The following ASB7 variants were observed in gnomAD, a reference collection of about 807,000 sequenced individuals.
ASB7 encodes ankyrin repeat and SOCS box containing 7.
Under a neutral mutation model 32.5 loss-of-function variants are expected in ASB7, and 4 were observed. The ratio of observed to expected loss-of-function variants is 0.12; its 90% CI spans 0.06 to 0.28. ASB7 has a LOEUF of 0.28. Ranked by LOEUF, ASB7 falls within the 10% of genes least tolerant of loss-of-function variation. The pLI is 1.00. For synonymous variants in ASB7, 172 were observed against 155.6 expected, an observed-to-expected ratio of 1.11 and a Z score of -0.78; for missense variants, 181 against 407.1, an observed-to-expected ratio of 0.44 and a Z score of 4.78.
intron 5 of ASB7, among the ~76,000 whole-genome samples, chr15:100,631,178 G>T (rs1447511789): frequency 6.6e-6 from 1 of 152,196 alleles, no homozygotes; most frequent in Non-Finnish European, 1.5e-5. Flanking sequence ...TCTACTTAGT[G>T]CTGGCCAGTA....
At chr15:100,646,690 G>T (rs979847618) in intron 5 of ASB7, 24 of 188,070 alleles carry the variant, frequency 1.3e-4, no homozygotes, top group Middle Eastern at 2.1e-3. Flanking sequence ...CACAGTTATG[G>T]GTTAGTAGGC....
intron 5 of ASB7, among the ~76,000 whole-genome samples, chr15:100,639,969 A>G (rs1421496563): frequency 6.6e-6 from 1 of 152,218 alleles, no homozygotes; most frequent in East Asian, 1.9e-4. Flanking sequence ...CTGATGTTGT[A>G]TACATTGGGA....
chr15:100,605,224 C>A (rs1475984798), intron 2 of ASB7, among the ~76,000 whole-genome samples: 1 of 152,146 alleles, frequency 6.6e-6, no homozygotes, highest in Non-Finnish European at 1.5e-5. Flanking sequence ...AGTATTTGGT[C>A]TAGATTATAC....
chr15:100,611,484 C>CTTTAGTTTTTTTTTTTTTTTTTTTTTT (rs2039694593), intron 3 of ASB7, among the ~76,000 whole-genome samples: 1 of 77,144 alleles, frequency 1.3e-5, no homozygotes, highest in Non-Finnish European at 2.3e-5. Flanking sequence ...TGTTTCGATT[C>CTTTAGTTTTTTTTTTTTTTTTTTTTTT]TTTTTTTTTT....
chr15:100,616,758 A>T (rs1431942430), intron 4 of ASB7, among the ~76,000 whole-genome samples: 1 of 152,244 alleles, frequency 6.6e-6, no homozygotes, highest in African/African-American at 2.4e-5. Context: ...CCAGTGTATT[A>T]TGAACCAACT....
At chr15:100,627,824 T>C (rs1346147375) in intron 4 of ASB7, among the ~76,000 whole-genome samples, 2 of 152,206 alleles carry the variant, frequency 1.3e-5, no homozygotes, top group African/African-American at 4.8e-5. Flanking sequence ...AAATGACCTC[T>C]GGCAAGATGT....
intron 4 of ASB7, among the ~76,000 whole-genome samples, chr15:100,615,046 G>T (rs952132347): frequency 2.6e-5 from 4 of 152,136 alleles, no homozygotes; most frequent in African/African-American, 9.7e-5. Flanking sequence ...TTGTATTACA[G>T]TTGCCTCCAG....
chr15:100,648,339 G>A lies in ASB7; in HGVS notation c.834G>A (p.Leu278=). Reference sequence around the variant, plus strand: ...TCTTTTTAGGACAGCCCAGAAACTTGCAGGACCTGTGCCGAATTAAAATTC... The same window carrying A: ...TCTTTTTAGGACAGCCCAGAAACTTACAGGACCTGTGCCGAATTAAAATTC... The part of the protein sequence containing the change: ...LQEVTRQPRN[L]QDLCRIKIRQ... Residue 278 remains leucine (L), a synonymous_variant, in exon 6 of 6, where the codon TTG becomes TTA. Coordinates refer to ENST00000332783, the MANE Select transcript of ASB7 (RefSeq NM_198243.3). The A allele has an allele frequency of 6.3e-7, 1 of 1,598,758 alleles. No homozygotes were observed. Among genetic ancestry groups the A allele is most frequent in the Non-Finnish European group, 8.5e-7 (1 of 1,174,814 alleles).
rs748074750 is a variant in ASB7, at chr15:100,625,065, C to T, written c.212-4372C>T. Among the ~76,000 whole-genome samples the T allele has an allele frequency of 3.9e-5, 6 of 152,292 alleles. No homozygotes were observed. In the South Asian group the frequency reaches 8.3e-4, roughly 21 times the overall value. On this transcript the variant is annotated intron_variant, in intron 4 of 5. Coordinates refer to ENST00000332783, the MANE Select transcript of ASB7 (RefSeq NM_198243.3). ...AAAATGGAACAGTCTTAAATACCTTCATGAGAAAGATGGGAAACCAGAAGC... is the reference window on the plus strand; with the variant it reads ...AAAATGGAACAGTCTTAAATACCTTTATGAGAAAGATGGGAAACCAGAAGC...
chr15:100,626,955 A>T (rs2039844439), intron 4 of ASB7, among the ~76,000 whole-genome samples: 1 of 152,276 alleles, frequency 6.6e-6, no homozygotes, highest in Admixed American at 6.5e-5. Flanking sequence ...CTAAAGAGAG[A>T]TGAAGGAACT....
Position 100,629,518 on chromosome 15 carries a change from G to A in ASB7, c.293G>A (p.Arg98His), listed in dbSNP as rs2039867555. The change falls in exon 5 of 6, where the codon CGC becomes CAC. Residue 98 changes from arginine (R) to histidine (H), a missense_variant. Transcript: ENST00000332783. This position sits in a 1 kb window ranked among gnomAD's most constrained non-coding sequence, Gnocchi z 6.8. ...ATGCATGGCCGGGCCCGCATTGCACGCTTGATGTTAGAATCTGAATACAGG... is the reference window on the plus strand; with the variant it reads ...ATGCATGGCCGGGCCCGCATTGCACACTTGATGTTAGAATCTGAATACAGG... ...AAMHGRARIA[R>H]LMLESEYRSD... 6.2e-7 allele frequency: 1 copy of A among 1,614,036 alleles called. No individual in the cohort carries two copies. Among genetic ancestry groups the A allele is most frequent in the Non-Finnish European group, 8.5e-7 (1 of 1,179,922 alleles).
Position 100,648,821 on chromosome 15 carries a change from A to G in ASB7, c.*359A>G. ...CCAAATTTATGGTTCCTTGGTAAGC[A>G]CGGTATTCTAAACCAGCAGAGCACT... is the stretch of plus-strand genomic sequence containing the variant. On this transcript the variant is annotated 3_prime_UTR_variant, in exon 6 of 6. Coordinates refer to ENST00000332783, the MANE Select transcript of ASB7 (RefSeq NM_198243.3). The G allele has an allele frequency of 6.3e-6, 1 of 157,872 alleles. No individual in the cohort carries two copies. The highest frequency in any genetic ancestry group is 1.4e-5 in the Non-Finnish European group (1 of 71,792). The allele number at this position is 157,872 out of a possible 1,614,324, so 9.8% of individuals were successfully genotyped here. A position where few individuals can be genotyped will look rare whatever the true frequency, so the allele number is the denominator to read the frequency against.
intron 4 of ASB7, among the ~76,000 whole-genome samples, chr15:100,624,664 G>T (rs1426172473): frequency 6.6e-6 from 1 of 152,160 alleles, no homozygotes; most frequent in African/African-American, 2.4e-5. Flanking sequence ...TCACTGAGAA[G>T]ACTTTAGGTC....
At chr15:100,606,505 ATTTTG>A (rs1158408788) in intron 2 of ASB7, among the ~76,000 whole-genome samples, 1 of 152,164 alleles carries the variant, frequency 6.6e-6, no homozygotes, top group Non-Finnish European at 1.5e-5. Flanking sequence ...TCTTAAGCAT[ATTTTG>A]TTTTATGTTT....
intron 5 of ASB7, among the ~76,000 whole-genome samples, chr15:100,643,674 TA>T (rs757116501): frequency 2.0e-5 from 3 of 151,122 alleles, no homozygotes; most frequent in Non-Finnish European, 2.9e-5. Context: ...TATATTTTTT[TA>T]GTAGAGACGG....
Position 100,649,766 on chromosome 15 carries a change from C to T in ASB7, c.*1304C>T, listed in dbSNP as rs1437931210. 10 of 152,216 alleles carry T rather than the reference C, an allele frequency of 6.6e-5. No individual in the cohort carries two copies. Among genetic ancestry groups the T allele is most frequent in the Non-Finnish European group, 1.3e-4 (9 of 68,028 alleles). 9.4% of individuals were successfully genotyped at this position (152,216 alleles called of 1,614,324 possible). A position where few individuals can be genotyped will look rare whatever the true frequency, so the allele number is the denominator to read the frequency against. On this transcript the variant is annotated 3_prime_UTR_variant, in exon 6 of 6. Coordinates refer to ENST00000332783, the MANE Select transcript of ASB7 (RefSeq NM_198243.3). ...GCATCTAAGAGGATGCCCTCAGAAA[C>T]GTATTCTGGCTTGATTTGTGTTATT... is the stretch of plus-strand genomic sequence containing the variant.
At position 100,647,787 on chromosome 15, in the gene ASB7, C is replaced by T. The variant is rs992809741; in HGVS notation, c.818-536C>T. 2.6e-5 allele frequency among the ~76,000 whole-genome samples: 4 copies of T among 152,120 alleles called. No homozygotes were observed. The East Asian group carries it at 7.7e-4, about 29-fold the overall frequency. On this transcript the variant is annotated intron_variant, in intron 5 of 5. Transcript: ENST00000332783. ...TCTGGAAAGCTTGTTTGGAAAGCTC[C>T]ACAGAGACCGTGGTGGGTGTCCGGG...
At position 100,629,753 on chromosome 15, in the gene ASB7, C is replaced by G. The variant is rs774743185; in HGVS notation, c.528C>G (p.Ile176Met). The G allele has an allele frequency of 6.2e-7, 1 of 1,614,190 alleles. No individual in the cohort carries two copies. The highest frequency in any genetic ancestry group is 8.5e-7 in the Non-Finnish European group (1 of 1,180,022). ...VKILLDHNANIDIQNGFLLRY... is the reference protein window; with the variant it reads ...VKILLDHNANMDIQNGFLLRY... ...TCCTCCTGGACCACAATGCCAACAT[C>G]GACATTCAGAATGGTTTCCTGTTGC... The change falls in exon 5 of 6, where the codon ATC becomes ATG. Residue 176 changes from isoleucine to methionine, a missense_variant. Ile to Met is a conservative substitution (Grantham distance 10). Coordinates refer to ENST00000332783, the MANE Select transcript of ASB7 (RefSeq NM_198243.3). This position sits in a 1 kb window ranked among gnomAD's most constrained non-coding sequence, Gnocchi z 6.8.
At chr15:100,614,679 C>T (rs12904671) in intron 4 of ASB7, among the ~76,000 whole-genome samples, 93,104 of 149,090 alleles carry the variant, frequency 0.62, 29,240 homozygotes, top group South Asian at 0.75. Context: ...CTGGGCCACA[C>T]TGGAAGAAGA....
Sources: allele counts gnomAD v4.1 joint callset (sites outside exome capture counted in the v4.1 genomes callset), GRCh38; gene constraint gnomAD v4.1.1; non-coding constraint Gnocchi (gnomAD v3.1); transcripts MANE v1.5; gene names NCBI Gene and HGNC (gene_info 2026-07-23, HGNC 2026-07-21).